TCAF1: variants seen among roughly 807,000 people sequenced by gnomAD.
TCAF1 encodes TRPM8 channel associated factor 1, also known as TRPM8 channel-associated factor 1.
A neutral mutation model predicts 27.3 loss-of-function variants in TCAF1; 4 were observed. The observed-to-expected ratio is 0.15, with a 90% CI of 0.07 to 0.34. The LOEUF (loss-of-function observed/expected upper bound fraction) is 0.34, where lower values mean the gene tolerates loss of function less well. TCAF1 is among the 10% of genes least tolerant of loss of function. The probability of loss-of-function intolerance (pLI) is 1.00; values close to 1 mark genes in which losing one functional copy is unlikely to be tolerated. For synonymous variants in TCAF1, 105 were observed against 167.1 expected, an observed-to-expected ratio of 0.63 and a Z score of 2.87; for missense variants, 257 against 425.8, an observed-to-expected ratio of 0.60 and a Z score of 3.49.
chr7:143,884,067 C>T (rs1333029966), intron 1 of TCAF1, among the ~76,000 whole-genome samples: 1 of 152,100 alleles, frequency 6.6e-6, no homozygotes, highest in Non-Finnish European at 1.5e-5. Context: ...TATACTAAGC[C>T]TTATTATAAG....
At chr7:143,898,419 T>C (rs980211451) in intron 1 of TCAF1, among the ~76,000 whole-genome samples, 9 of 152,170 alleles carry the variant, frequency 5.9e-5, no homozygotes, top group African/African-American at 2.2e-4. Context: ...TATTTTCGGA[T>C]GATATGATTG....
intron 1 of TCAF1, among the ~76,000 whole-genome samples, chr7:143,889,068 G>A (rs758358163): frequency 9.9e-5 from 15 of 152,062 alleles, no homozygotes; most frequent in Non-Finnish European, 2.1e-4. Flanking sequence ...AAACAAAGTT[G>A]AAGAAAGAAT....
rs3735381 is a variant in TCAF1 at position 143,902,104 on chromosome 7, G to A, written c.-158C>T. The stretch of plus-strand genomic sequence containing the variant: ...AGGAGCGGGAGGCGGTTGTTCCCAG[G>A]AGGAAGCAGCTTCTCCGCCCAGGAG... On this transcript the variant is annotated 5_prime_UTR_variant, in exon 1 of 9. Coordinates refer to ENST00000479870, the MANE Select transcript of TCAF1 (RefSeq NM_014719.3). 20,025 of 152,524 alleles carry A rather than the reference G, an allele frequency of 0.13. 1,411 individuals are homozygous for A. The highest frequency in any genetic ancestry group is 0.21 in the South Asian group (1,036 of 4,828). 9.4% of individuals were successfully genotyped at this position (152,524 alleles called of 1,614,324 possible). A position where few individuals can be genotyped will look rare whatever the true frequency, so the allele number is the denominator to read the frequency against.
chr7:143,899,667 G>T (rs945984820), intron 1 of TCAF1, among the ~76,000 whole-genome samples: 3 of 152,084 alleles, frequency 2.0e-5, no homozygotes, highest in Non-Finnish European at 4.4e-5. Context: ...AACAGAGAAA[G>T]AAACAGATAT....
At chr7:143,879,479 T>C (rs528923079) in intron 1 of TCAF1, among the ~76,000 whole-genome samples, 18 of 152,310 alleles carry the variant, frequency 1.2e-4, no homozygotes, top group African/African-American at 4.1e-4. Context: ...TGACGGAGAA[T>C]GTCTGCGCTC....
intron 6 of TCAF1, among the ~76,000 whole-genome samples, chr7:143,859,981 TTATATAATATATATTATATAATATA>T (rs1443064616): frequency 4.6e-5 from 2 of 43,496 alleles, no homozygotes; most frequent in Non-Finnish European, 8.0e-5. Flanking sequence ...ATAATATATA[TTATATAATATATATTATATAATATA>T]TATATAATAT....
chr7:143,891,779 C>T (rs1367957421), intron 1 of TCAF1, among the ~76,000 whole-genome samples: 1 of 151,940 alleles, frequency 6.6e-6, no homozygotes, highest in African/African-American at 2.4e-5. Flanking sequence ...CTTTATGTTC[C>T]CCGAGCAGAA....
At chr7:143,885,100 C>T in intron 1 of TCAF1, 4 of 985,478 alleles carry the variant, frequency 4.1e-6, no homozygotes, top group Non-Finnish European at 4.8e-6. Context: ...CGACCCAGTG[C>T]CTCCTTCTCC....
At chr7:143,898,736 T>G (rs1813997668) in intron 1 of TCAF1, among the ~76,000 whole-genome samples, 2 of 152,172 alleles carry the variant, frequency 1.3e-5, no homozygotes, top group South Asian at 4.1e-4. Context: ...TTAGAAATAA[T>G]TTCTGCCCAA....
rs772993171 is a variant in TCAF1, at chr7:143,876,420, G to T, written c.189C>A (p.Ser63=). Residue 63 remains serine (S), a synonymous_variant, in exon 2 of 9, where the codon TCC becomes TCA. Coordinates refer to ENST00000479870, the MANE Select transcript of TCAF1 (RefSeq NM_014719.3). ...GGGCTTCCACCAAGTAGTCCTCATG[G>T]GACACGACCACCAGGCGGCCACGGC... is the stretch of plus-strand genomic sequence containing the variant. ...SYGRGRLVVV[S]HEDYLVEAQL... is the part of the protein sequence containing the mutation. 5.0e-6 allele frequency: 8 copies of T among 1,612,498 alleles called. No individual in the cohort carries two copies. Among genetic ancestry groups the T allele is most frequent in the Non-Finnish European group, 6.8e-6 (8 of 1,179,398 alleles).
chr7:143,876,308 A>C lies in TCAF1; in HGVS notation c.301T>G (p.Leu101Val). 1 of 1,614,188 alleles carries C rather than the reference A, an allele frequency of 6.2e-7. No individual in the cohort carries two copies. Among genetic ancestry groups the C allele is most frequent in the Non-Finnish European group, 8.5e-7 (1 of 1,180,036 alleles). ...PIGVHPSLAPLAKILEGSGVD... is the reference protein window; with the variant it reads ...PIGVHPSLAPVAKILEGSGVD... ...CCAGAGCCCTCGAGGATTTTGGCCA[A>C]AGGTGCCAGGGATGGGTGTACACCA... Residue 101 changes from leucine (L) to valine (V), a missense_variant, in exon 2 of 9, where the codon TTG (leucine) becomes GTG (valine). This residue lies in a region of TCAF1 where 255 missense variants were observed against 260.1 expected (regional missense o/e 0.98). Transcript: ENST00000479870.
At chr7:143,890,560 C>T (rs1263994207) in intron 1 of TCAF1, among the ~76,000 whole-genome samples, 1 of 152,184 alleles carries the variant, frequency 6.6e-6, no homozygotes, top group Non-Finnish European at 1.5e-5. Flanking sequence ...CAACTGAAGA[C>T]TCAGAAAAGT....
rs1001721345 is a variant in TCAF1, at chr7:143,885,433, GC to G, written c.-14-8812del. The G allele has an allele frequency of 5.1e-6, 5 of 985,354 alleles. No homozygotes were observed. The African/African-American group carries it at 7.0e-5, about 14-fold the overall frequency. The allele number at this position is 985,354 out of a possible 1,614,324, so 61.0% of individuals were successfully genotyped here. On this transcript the variant is annotated intron_variant, in intron 1 of 8. Coordinates refer to ENST00000479870, the MANE Select transcript of TCAF1 (RefSeq NM_014719.3). ...CGGGTGGAGGCGGAGCTTGGCCGCC[GC>G]CCCCGGACCGCAGAGGCCCGGCTTT...
At chr7:143,874,967 C>T (rs986087616) in intron 2 of TCAF1, among the ~76,000 whole-genome samples, 5 of 152,048 alleles carry the variant, frequency 3.3e-5, no homozygotes, top group African/African-American at 1.2e-4. Flanking sequence ...TGCAGAAGCC[C>T]AATATTTGGG....
intron 2 of TCAF1, among the ~76,000 whole-genome samples, chr7:143,874,436 T>G (rs1239556898): frequency 1.2e-5 from 1 of 81,500 alleles, no homozygotes; most frequent in East Asian, 3.2e-4. Flanking sequence ...TTTTTCAAAC[T>G]GAAGGGGGCA....
intron 1 of TCAF1, among the ~76,000 whole-genome samples, chr7:143,886,127 G>A (rs531645769): frequency 6.6e-6 from 1 of 152,242 alleles, no homozygotes; most frequent in Admixed American, 6.5e-5. Flanking sequence ...ATCTAACCTG[G>A]AGAGCTCAAC....
intron 1 of TCAF1, chr7:143,885,134 T>C (rs1586787142): frequency 2.0e-6 from 2 of 985,454 alleles, no homozygotes; most frequent in Non-Finnish European, 2.4e-6. Context: ...GCGGACTGCA[T>C]CGGGAGCCGC....
In TCAF1 at chr7:143,878,113, G is replaced by A. The variant is rs927596595; in HGVS notation, c.-14-1491C>T. On this transcript the variant is annotated intron_variant, in intron 1 of 8. Transcript: ENST00000479870. ...AGGAATAATAATATCTGCCATATAC[G>A]CTTGTCCTGAGGATTAAGGGAAATA... Among the ~76,000 whole-genome samples, 4 of 152,082 alleles carry A rather than the reference G, an allele frequency of 2.6e-5. No individual in the cohort carries two copies. The East Asian group carries it at 7.7e-4, about 29-fold the overall frequency.
At chr7:143,898,089 ATAGT>A (rs1586804369) in intron 1 of TCAF1, among the ~76,000 whole-genome samples, 1 of 152,114 alleles carries the variant, frequency 6.6e-6, no homozygotes, top group Non-Finnish European at 1.5e-5. Flanking sequence ...TGTTGTTAAT[ATAGT>A]TAAAGGAAAA....
Sources: gnomAD v4.1 joint callset for allele counts (sites outside exome capture counted in the v4.1 genomes callset) on GRCh38, gnomAD v4.1.1 for gene constraint, gnomAD v4.1.1 regional missense constraint, MANE v1.5 for transcripts, NCBI Gene and HGNC (gene_info 2026-07-23, HGNC 2026-07-21) for gene names.